Variants in PARD3B observed in about 807,000 individuals in gnomAD.
The protein encoded by PARD3B is par-3 family cell polarity regulator beta, also known as partitioning defective 3 homolog B.
Under a neutral mutation model 130.2 loss-of-function variants are expected in PARD3B, and 103 were observed. That is an observed-to-expected ratio of 0.79 (90% CI 0.67 to 0.93). The LOEUF is 0.93. Ranked by LOEUF, PARD3B falls within the 40% of genes least tolerant of loss-of-function variation. The pLI, the probability that PARD3B is intolerant of heterozygous loss-of-function variation, is 0.00. For missense variants in PARD3B, 1,609 were observed against 1,499.2 expected, an observed-to-expected ratio of 1.07 and a Z score of -1.21; for synonymous variants, 583 against 553.2, an observed-to-expected ratio of 1.05 and a Z score of -0.76.
chr2:205,576,183 G>T (rs935981244), intron 22 of PARD3B, among the ~76,000 whole-genome samples: 5 of 152,136 alleles, frequency 3.3e-5, no homozygotes, highest in Admixed American at 2.0e-4. Context: ...CTTTGATGAG[G>T]TGTCTGTTAA....
At chr2:205,496,818 T>G (rs1326083831) in intron 20 of PARD3B, among the ~76,000 whole-genome samples, 1 of 152,136 alleles carries the variant, frequency 6.6e-6, no homozygotes, top group East Asian at 1.9e-4. Context: ...GTTTCTTTTT[T>G]TTTTTTCTTT....
At chr2:204,647,539 A>G (rs189979613) in intron 1 of PARD3B, among the ~76,000 whole-genome samples, 41 of 151,804 alleles carry the variant, frequency 2.7e-4, no homozygotes, top group African/African-American at 9.9e-4. Flanking sequence ...GTTGTATGTA[A>G]TAAGACTGGA....
At chr2:204,559,527 G>A (rs2125053204) in intron 1 of PARD3B, among the ~76,000 whole-genome samples, 1 of 152,314 alleles carries the variant, frequency 6.6e-6, no homozygotes, top group East Asian at 1.9e-4. Context: ...TCATTAAAAA[G>A]TCAGGAAACA....
intron 2 of PARD3B, among the ~76,000 whole-genome samples, chr2:204,802,927 G>GT (rs2042623406): frequency 6.6e-6 from 1 of 151,538 alleles, no homozygotes; most frequent in Non-Finnish European, 1.5e-5. Context: ...ACCATGGCAC[G>GT]TTTTTACCTA....
rs940466749 is a variant in PARD3B, at chr2:205,183,900, G to C, written c.1925-1864G>C. ...TGGTGCAGATTGAGTCTGAAGGCCG[G>C]AGAACCAGAAAAGCTGGTGGCGTGG... On this transcript the variant is annotated intron_variant, in intron 13 of 22. Coordinates refer to ENST00000406610, the MANE Select transcript of PARD3B (RefSeq NM_001302769.2). The surrounding 1 kb of genome is among the most constrained non-coding windows in gnomAD (Gnocchi z 5.2). Among the ~76,000 whole-genome samples, 6 of 152,074 alleles carry C rather than the reference G, an allele frequency of 3.9e-5. No individual in the cohort carries two copies. The highest frequency in any genetic ancestry group is 7.4e-5 in the Non-Finnish European group (5 of 68,006).
Position 205,118,985 on chromosome 2 carries a change from C to T in PARD3B, c.745C>T (p.His249Tyr), listed in dbSNP as rs2030288005. 3 of 1,612,424 alleles carry T rather than the reference C, an allele frequency of 1.9e-6. No homozygotes were observed. Among genetic ancestry groups the T allele is most frequent in the African/African-American group, 1.3e-5 (1 of 74,906 alleles). ...CAGGTCCAAGCGGGAGGGACTATTT[C>T]ACGAAAATGAATGTATTGTAAAAAT... ...NSRSKREGLF[H>Y]ENECIVKINN... The change falls in exon 7 of 23, where the codon CAC (histidine) becomes TAC (tyrosine). Residue 249 changes from histidine (H) to tyrosine (Y), a missense_variant. Coordinates refer to ENST00000406610, the MANE Select transcript of PARD3B (RefSeq NM_001302769.2).
intron 2 of PARD3B, among the ~76,000 whole-genome samples, chr2:204,692,984 A>G (rs1038869023): frequency 7.2e-5 from 11 of 151,978 alleles, no homozygotes; most frequent in African/African-American, 2.4e-4. Context: ...CCTCCCTAGG[A>G]TGCTGATAAC....
chr2:204,604,191 A>G (rs2033621499), intron 1 of PARD3B, among the ~76,000 whole-genome samples: 1 of 152,016 alleles, frequency 6.6e-6, no homozygotes, highest in African/African-American at 2.4e-5. Context: ...AAAACAGTCT[A>G]CTCTCCTGTG....
intron 2 of PARD3B, among the ~76,000 whole-genome samples, chr2:204,756,315 G>A (rs1023827366): frequency 2.0e-5 from 3 of 152,006 alleles, no homozygotes; most frequent in Non-Finnish European, 4.4e-5. Flanking sequence ...GAGTAGTGTG[G>A]CCCTATCTTT....
intron 4 of PARD3B, 48 bp from the exon 5 acceptor site, chr2:205,104,378 A>T: frequency 1.5e-6 from 2 of 1,345,932 alleles, no homozygotes; most frequent in Non-Finnish European, 2.1e-6. Context: ...TCAGATTTTC[A>T]ATTCAATATG....
chr2:205,104,643 A>T (rs1703071497), intron 5 of PARD3B, 129 bp downstream of exon 5: 1 of 608,552 alleles, frequency 1.6e-6, no homozygotes, highest in African/African-American at 1.8e-5. Flanking sequence ...ACATGTCCCA[A>T]GTCTAACAGT....
intron 20 of PARD3B, among the ~76,000 whole-genome samples, chr2:205,492,775 T>C (rs773023496): frequency 2.6e-5 from 4 of 152,202 alleles, no homozygotes; most frequent in Admixed American, 2.6e-4. Context: ...TTAAATGTCA[T>C]TTGAAGAATG....
chr2:204,963,358 A>AT (rs1286458121), intron 2 of PARD3B, among the ~76,000 whole-genome samples: 2 of 152,148 alleles, frequency 1.3e-5, no homozygotes, highest in East Asian at 1.9e-4. Flanking sequence ...TTGATGTTCT[A>AT]TTTTTTCTCG....
chr2:205,236,271 A>G (rs2039057246), intron 15 of PARD3B, among the ~76,000 whole-genome samples: 1 of 152,250 alleles, frequency 6.6e-6, no homozygotes, highest in Admixed American at 6.5e-5. Context: ...CATAAAAAGA[A>G]ATAATAACAA....
At position 204,709,918 on chromosome 2, in the gene PARD3B, TG is replaced by T. The variant is rs1468277631; in HGVS notation, c.222+23637del. ...TAAGTGATTGTGAAATAATGGTTAG[TG>T]CATTTTTAAAAGTTTTGTCTATTTT... On this transcript the variant is annotated intron_variant, in intron 2 of 22. Transcript: ENST00000406610. 2.6e-5 allele frequency among the ~76,000 whole-genome samples: 4 copies of T among 152,318 alleles called. 1 individual carries two copies. The highest frequency in any genetic ancestry group is 9.6e-5 in the African/African-American group (4 of 41,566).
At chr2:204,778,146 C>CAAAAA (rs35683519) in intron 2 of PARD3B, among the ~76,000 whole-genome samples, 1 of 109,340 alleles carries the variant, frequency 9.1e-6, no homozygotes, top group Non-Finnish European at 2.0e-5. Context: ...CACCCTCTAT[C>CAAAAA]AAAAAAAAAA....
chr2:205,019,238 G>A (rs1179168530), intron 3 of PARD3B, among the ~76,000 whole-genome samples: 1 of 152,104 alleles, frequency 6.6e-6, no homozygotes, highest in African/African-American at 2.4e-5. Flanking sequence ...ATGTAATACT[G>A]TATGTGGTGT....
intron 19 of PARD3B, among the ~76,000 whole-genome samples, chr2:205,439,209 C>A (rs2047626772): frequency 6.6e-6 from 1 of 152,036 alleles, no homozygotes; most frequent in Non-Finnish European, 1.5e-5. Flanking sequence ...CTCGTCCTGG[C>A]CTCCCGTATG....
intron 2 of PARD3B, among the ~76,000 whole-genome samples, chr2:204,957,511 G>A (rs1389203921): frequency 1.3e-5 from 2 of 152,068 alleles, no homozygotes; most frequent in African/African-American, 4.8e-5. Flanking sequence ...ACTGTCAGTT[G>A]AACTTTATGA....
Sources: allele counts gnomAD v4.1 joint callset (sites outside exome capture counted in the v4.1 genomes callset), GRCh38; gene constraint gnomAD v4.1.1; non-coding constraint Gnocchi (gnomAD v3.1); transcripts MANE v1.5; gene names NCBI Gene and HGNC (gene_info 2026-07-23, HGNC 2026-07-21).